The following HLA-E variants were observed in gnomAD, a reference collection of about 807,000 sequenced individuals.
HLA-E encodes HLA class I histocompatibility antigen, alpha chain E.
A neutral mutation model predicts 43.4 loss-of-function variants in HLA-E; 25 were observed. The observed-to-expected ratio is 0.58, with a 90% CI of 0.42 to 0.80. The LOEUF is 0.80. HLA-E is among the 30% of genes least tolerant of loss of function. The probability of loss-of-function intolerance (pLI) is 0.00; values close to 1 mark genes in which losing one functional copy is unlikely to be tolerated. For synonymous variants in HLA-E, 161 were observed against 197.6 expected, an observed-to-expected ratio of 0.81 and a Z score of 1.55; for missense variants, 343 against 470.0, an observed-to-expected ratio of 0.73 and a Z score of 2.50.
chr6:30,491,297 A>G lies in HLA-E; in HGVS notation c.771A>G (p.Ala257=), dbSNP rs1404034167. The G allele has an allele frequency of 6.2e-7, 1 of 1,614,092 alleles. No homozygotes were observed. The highest frequency in any genetic ancestry group is 1.3e-5 in the African/African-American group (1 of 74,934). ...QDTELVETRP[A]GDGTFQKWAA... ...CGGAGCTCGTGGAGACCAGGCCTGC[A>G]GGGGATGGAACCTTCCAGAAGTGGG... The change falls in exon 4 of 8, where the codon GCA becomes GCG. Residue 257 remains alanine, a synonymous_variant. Transcript: ENST00000376630. This position sits in a 1 kb window ranked among gnomAD's most constrained non-coding sequence, Gnocchi z 5.4.
chr6:30,490,286 C>T lies in HLA-E; in HGVS notation c.381C>T (p.Asp127=), dbSNP rs767391049. ...TGCATGGCTGCGAGCTGGGGCCCGA[C>T]GGGCGCTTCCTCCGCGGGTATGAAC... ...QWMHGCELGP[D]GRFLRGYEQF... Residue 127 remains aspartate, a synonymous_variant, in exon 3 of 8, where the codon GAC becomes GAT. Transcript: ENST00000376630. The surrounding 1 kb of genome is among the most constrained non-coding windows in gnomAD (Gnocchi z 6.6). The T allele has an allele frequency of 6.2e-7, 1 of 1,613,032 alleles. No individual in the cohort carries two copies. Among genetic ancestry groups the T allele is most frequent in the Non-Finnish European group, 8.5e-7 (1 of 1,179,994 alleles).
In HLA-E at chr6:30,492,632, A is replaced by G; in HGVS notation, c.*2+49A>G. On this transcript the variant is annotated intron_variant, in intron 7 of 7. Transcript: ENST00000376630. This position sits in a 1 kb window ranked among gnomAD's most constrained non-coding sequence, Gnocchi z 4.5. ...GGGTGGAGGGTGGGGCAGAGGGGAC[A>G]GGACTGGGTTGTGGGGATTTTTTGA... 6.4e-7 allele frequency: 1 copy of G among 1,568,216 alleles called. No individual in the cohort carries two copies. The highest frequency in any genetic ancestry group is 1.1e-5 in the South Asian group (1 of 88,358).
chr6:30,490,333 A>G lies in HLA-E; in HGVS notation c.428A>G (p.Asp143Gly). 2 of 1,613,030 alleles carry G rather than the reference A, an allele frequency of 1.2e-6. No homozygotes were observed. The highest frequency in any genetic ancestry group is 1.7e-6 in the Non-Finnish European group (2 of 1,180,022). ...GYEQFAYDGK[D>G]YLTLNEDLRS... ...GAACAGTTCGCCTACGACGGCAAGG[A>G]TTATCTCACCCTGAATGAGGACCTG... Residue 143 changes from aspartate to glycine, a missense_variant, in exon 3 of 8, where the codon GAT becomes GGT. Physicochemically the swap from Asp to Gly is moderately conservative, Grantham distance 94. Transcript: ENST00000376630. The surrounding 1 kb of genome is among the most constrained non-coding windows in gnomAD (Gnocchi z 6.6).
chr6:30,492,587 A>G lies in HLA-E; in HGVS notation c.*2+4A>G, dbSNP rs776953302. 6.2e-7 allele frequency: 1 copy of G among 1,613,492 alleles called. No individual in the cohort carries two copies. Among genetic ancestry groups the G allele is most frequent in the East Asian group, 2.2e-5 (1 of 44,864 alleles). On this transcript the variant is annotated splice_donor_region_variant and intron_variant, in intron 7 of 7. Transcript: ENST00000376630. This position sits in a 1 kb window ranked among gnomAD's most constrained non-coding sequence, Gnocchi z 4.5. ...CTGAGTCTCACAGCTTGTAAAGGTG[A>G]GATTCTGGGGGTCTGAAGTGGGTGG... is the stretch of plus-strand genomic sequence containing the variant.
At position 30,490,831 on chromosome 6, in the gene HLA-E, G is replaced by T. The variant is rs367678163; in HGVS notation, c.611-306G>T. On this transcript the variant is annotated intron_variant, in intron 3 of 7. Transcript: ENST00000376630. This position sits in a 1 kb window ranked among gnomAD's most constrained non-coding sequence, Gnocchi z 6.6. ...TCACGGGGGAGTTTCTCTCGTGCCT[G>T]ATTCTCAGCCCCACACCAAGAGTTT... Among the ~76,000 whole-genome samples the T allele has an allele frequency of 6.3e-4, 96 of 152,264 alleles. No individual in the cohort carries two copies. Among genetic ancestry groups the T allele is most frequent in the African/African-American group, 2.1e-3 (88 of 41,544 alleles).
In HLA-E at chr6:30,491,032, TC is replaced by T; in HGVS notation, c.611-103del. The T allele has an allele frequency of 1.4e-6, 2 of 1,464,312 alleles. No individual in the cohort carries two copies. The highest frequency in any genetic ancestry group is 1.9e-6 in the Non-Finnish European group (2 of 1,072,258). The allele number at this position is 1,464,312 out of a possible 1,614,324, so 90.7% of individuals were successfully genotyped here. ...CTGGTGTCAAGGTTTTGTCCTCTTC[TC>T]CTACTATAATTGTCCTCTTCCTTCT... On this transcript the variant is annotated intron_variant, in intron 3 of 7. Coordinates refer to ENST00000376630, the MANE Select transcript of HLA-E (RefSeq NM_005516.6). This position sits in a 1 kb window ranked among gnomAD's most constrained non-coding sequence, Gnocchi z 5.4.
rs1477315910 is a variant in HLA-E, at chr6:30,493,892, T to A, written c.*1146T>A. The A allele has an allele frequency of 2.6e-5, 4 of 151,934 alleles. No homozygotes were observed. The highest frequency in any genetic ancestry group is 4.8e-5 in the African/African-American group (2 of 41,292). The allele number at this position is 151,934 out of a possible 1,614,324, so 9.4% of individuals were successfully genotyped here. A position where few individuals can be genotyped will look rare whatever the true frequency, so the allele number is the denominator to read the frequency against. ...CCACCAGGACCCCAGAACTGTGGAG[T>A]CAGTGGCAGCATGCAGCGCCCCCTT... On this transcript the variant is annotated 3_prime_UTR_variant, in exon 8 of 8. Coordinates refer to ENST00000376630, the MANE Select transcript of HLA-E (RefSeq NM_005516.6). The surrounding 1 kb of genome is among the most constrained non-coding windows in gnomAD (Gnocchi z 5.5).
In HLA-E at chr6:30,491,047, C is replaced by A; in HGVS notation, c.611-90C>A. Reference sequence around the variant, plus strand: ...TGTCCTCTTCTCCTACTATAATTGTCCTCTTCCTTCTCAGGATGGTCACAT... The same window carrying A: ...TGTCCTCTTCTCCTACTATAATTGTACTCTTCCTTCTCAGGATGGTCACAT... On this transcript the variant is annotated intron_variant, in intron 3 of 7. Transcript: ENST00000376630. This position sits in a 1 kb window ranked among gnomAD's most constrained non-coding sequence, Gnocchi z 5.4. 6.6e-7 allele frequency: 1 copy of A among 1,521,650 alleles called. No homozygotes were observed. The highest frequency in any genetic ancestry group is 9.0e-7 in the Non-Finnish European group (1 of 1,116,640). 94.3% of individuals were successfully genotyped at this position (1,521,650 alleles called of 1,614,324 possible). A position where few individuals can be genotyped will look rare whatever the true frequency, so the allele number is the denominator to read the frequency against.
chr6:30,490,304 G>A lies in HLA-E; in HGVS notation c.399G>A (p.Gly133=). The A allele has an allele frequency of 1.9e-6, 3 of 1,613,108 alleles. No individual in the cohort carries two copies. Among genetic ancestry groups the A allele is most frequent in the Non-Finnish European group, 2.5e-6 (3 of 1,180,034 alleles). The change falls in exon 3 of 8, where the codon GGG becomes GGA. Residue 133 remains glycine (G), a synonymous_variant. Coordinates refer to ENST00000376630, the MANE Select transcript of HLA-E (RefSeq NM_005516.6). The surrounding 1 kb of genome is among the most constrained non-coding windows in gnomAD (Gnocchi z 6.6). The part of the protein sequence containing the change: ...ELGPDGRFLR[G]YEQFAYDGKD... ...GGCCCGACGGGCGCTTCCTCCGCGG[G>A]TATGAACAGTTCGCCTACGACGGCA...
At position 30,491,456 on chromosome 6, in the gene HLA-E, G is replaced by C. The variant is rs796228537; in HGVS notation, c.886+44G>C. On this transcript the variant is annotated intron_variant, in intron 4 of 7. Coordinates refer to ENST00000376630, the MANE Select transcript of HLA-E (RefSeq NM_005516.6). The surrounding 1 kb of genome is among the most constrained non-coding windows in gnomAD (Gnocchi z 5.4). The stretch of plus-strand genomic sequence containing the variant: ...GGTCATGTCTCTTCTCAGGGAAAGC[G>C]GGAGCCCTTCTGGAGCCCTTCCGCA... The C allele has an allele frequency of 6.2e-7, 1 of 1,611,076 alleles. No individual in the cohort carries two copies. The highest frequency in any genetic ancestry group is 8.5e-7 in the Non-Finnish European group (1 of 1,178,154).
rs1261407449 is a variant in HLA-E at position 30,489,696 on chromosome 6, G to C, written c.65-30G>C. On this transcript the variant is annotated intron_variant, in intron 1 of 7. Coordinates refer to ENST00000376630, the MANE Select transcript of HLA-E (RefSeq NM_005516.6). This position sits in a 1 kb window ranked among gnomAD's most constrained non-coding sequence, Gnocchi z 5.6. ...GGGGAGCCGCGCCGGGAGGAGGGTCGGGCCGATCTCAGCCCCTCCTCGCCC... is the reference window on the plus strand; with the variant it reads ...GGGGAGCCGCGCCGGGAGGAGGGTCCGGCCGATCTCAGCCCCTCCTCGCCC... 8 of 1,611,534 alleles carry C rather than the reference G, an allele frequency of 5.0e-6. No individual in the cohort carries two copies. Among genetic ancestry groups the C allele is most frequent in the Admixed American group, 3.3e-5 (2 of 59,956 alleles).
Position 30,490,814 on chromosome 6 carries a change from G to T in HLA-E, c.610+299G>T, listed in dbSNP as rs114425530. ...ACTCCCAGTATTAGGAATCACGGGG[G>T]AGTTTCTCTCGTGCCTGATTCTCAG... On this transcript the variant is annotated intron_variant, in intron 3 of 7. Coordinates refer to ENST00000376630, the MANE Select transcript of HLA-E (RefSeq NM_005516.6). This position sits in a 1 kb window ranked among gnomAD's most constrained non-coding sequence, Gnocchi z 6.6. Among the ~76,000 whole-genome samples the T allele has an allele frequency of 1.7e-3, 257 of 152,280 alleles. No individual in the cohort carries two copies. Among genetic ancestry groups the T allele is most frequent in the African/African-American group, 5.4e-3 (223 of 41,550 alleles).
chr6:30,492,736 T>A lies in HLA-E; in HGVS notation c.*3-13T>A. 1.3e-6 allele frequency: 1 copy of A among 776,996 alleles called. No individual in the cohort carries two copies. Among genetic ancestry groups the A allele is most frequent in the African/African-American group, 1.7e-5 (1 of 57,566 alleles). The allele number at this position is 776,996 out of a possible 1,614,324, so 48.1% of individuals were successfully genotyped here. ...ACTGACCTGAATTTGTTCATGACTA[T>A]TTTCTTCTGTAGCCTGAGACAGCTG... is the stretch of plus-strand genomic sequence containing the variant. On this transcript the variant is annotated splice_polypyrimidine_tract_variant and intron_variant, in intron 7 of 7. Transcript: ENST00000376630. The surrounding 1 kb of genome is among the most constrained non-coding windows in gnomAD (Gnocchi z 4.5).
chr6:30,490,276 T>C lies in HLA-E; in HGVS notation c.371T>C (p.Leu124Pro). The C allele has an allele frequency of 1.2e-6, 2 of 1,612,956 alleles. No individual in the cohort carries two copies. The highest frequency in any genetic ancestry group is 1.7e-6 in the Non-Finnish European group (2 of 1,179,954). ...HTLQWMHGCE[L>P]GPDGRFLRGY... is the part of the protein sequence containing the mutation. ...CTGCAGTGGATGCATGGCTGCGAGC[T>C]GGGGCCCGACGGGCGCTTCCTCCGC... The change falls in exon 3 of 8, where the codon CTG becomes CCG. Residue 124 changes from leucine to proline, a missense_variant. Leu to Pro is a moderately conservative substitution (Grantham distance 98). Coordinates refer to ENST00000376630, the MANE Select transcript of HLA-E (RefSeq NM_005516.6). The surrounding 1 kb of genome is among the most constrained non-coding windows in gnomAD (Gnocchi z 6.6).
rs761765470 is a variant in HLA-E, at chr6:30,489,541, G to A, written c.10G>A (p.Gly4Arg). 13 of 1,524,406 alleles carry A rather than the reference G, an allele frequency of 8.5e-6. No homozygotes were observed. The highest frequency in any genetic ancestry group is 1.4e-5 in the African/African-American group (1 of 71,722). The allele number at this position is 1,524,406 out of a possible 1,614,324, so 94.4% of individuals were successfully genotyped here. A position where few individuals can be genotyped will look rare whatever the true frequency, so the allele number is the denominator to read the frequency against. Residue 4 changes from glycine to arginine, a missense_variant, in exon 1 of 8, where the codon GGA (glycine) becomes AGA (arginine). Coordinates refer to ENST00000376630, the MANE Select transcript of HLA-E (RefSeq NM_005516.6). The surrounding 1 kb of genome is among the most constrained non-coding windows in gnomAD (Gnocchi z 5.6). ...CTCAGAGGCTGGGATCATGGTAGAT[G>A]GAACCCTCCTTTTACTCCTCTCGGA... Reference protein sequence around the residue: MVDGTLLLLLSEAL... With the variant: MVDRTLLLLLSEAL...
chr6:30,489,902 T>A lies in HLA-E; in HGVS notation c.241T>A (p.Trp81Arg). 1 of 1,612,962 alleles carries A rather than the reference T, an allele frequency of 6.2e-7. No individual in the cohort carries two copies. Among genetic ancestry groups the A allele is most frequent in the Non-Finnish European group, 8.5e-7 (1 of 1,179,990 alleles). ...GATGGAGCAGGAGGGGTCAGAGTAT[T>A]GGGACCGGGAGACACGGAGCGCCAG... ...PWMEQEGSEY[W>R]DRETRSARDT... Residue 81 changes from tryptophan (W) to arginine (R), a missense_variant, in exon 2 of 8, where the codon TGG becomes AGG. Physicochemically the swap from Trp to Arg is moderately radical, Grantham distance 101. Coordinates refer to ENST00000376630, the MANE Select transcript of HLA-E (RefSeq NM_005516.6). This position sits in a 1 kb window ranked among gnomAD's most constrained non-coding sequence, Gnocchi z 5.6.
rs767013957 is a variant in HLA-E at position 30,491,448 on chromosome 6, G to A, written c.886+36G>A. 1 of 1,612,666 alleles carries A rather than the reference G, an allele frequency of 6.2e-7. No homozygotes were observed. The highest frequency in any genetic ancestry group is 8.5e-7 in the Non-Finnish European group (1 of 1,179,050). On this transcript the variant is annotated intron_variant, in intron 4 of 7. Transcript: ENST00000376630. The surrounding 1 kb of genome is among the most constrained non-coding windows in gnomAD (Gnocchi z 5.4). ...GGATGGGAGGTCATGTCTCTTCTCA[G>A]GGAAAGCGGGAGCCCTTCTGGAGCC... is the stretch of plus-strand genomic sequence containing the variant.
chr6:30,489,689 G>A lies in HLA-E; in HGVS notation c.65-37G>A, dbSNP rs375999164. On this transcript the variant is annotated intron_variant, in intron 1 of 7. Coordinates refer to ENST00000376630, the MANE Select transcript of HLA-E (RefSeq NM_005516.6). This position sits in a 1 kb window ranked among gnomAD's most constrained non-coding sequence, Gnocchi z 5.6. ...AGGACTCGGGGAGCCGCGCCGGGAGGAGGGTCGGGCCGATCTCAGCCCCTC... is the reference window on the plus strand; with the variant it reads ...AGGACTCGGGGAGCCGCGCCGGGAGAAGGGTCGGGCCGATCTCAGCCCCTC... 9 of 1,611,152 alleles carry A rather than the reference G, an allele frequency of 5.6e-6. No homozygotes were observed. The highest frequency in any genetic ancestry group is 7.6e-6 in the Non-Finnish European group (9 of 1,179,144).
chr6:30,490,433 C>T lies in HLA-E; in HGVS notation c.528C>T (p.His176=). 2 of 1,612,964 alleles carry T rather than the reference C, an allele frequency of 1.2e-6. No individual in the cohort carries two copies. Among genetic ancestry groups the T allele is most frequent in the Non-Finnish European group, 1.7e-6 (2 of 1,179,922 alleles). The change falls in exon 3 of 8, where the codon CAC becomes CAT. Residue 176 remains histidine, a synonymous_variant. Transcript: ENST00000376630. The surrounding 1 kb of genome is among the most constrained non-coding windows in gnomAD (Gnocchi z 6.6). The stretch of plus-strand genomic sequence containing the variant: ...CAAATGATGCCTCTGAGGCGGAGCA[C>T]CAGAGAGCCTACCTGGAAGACACAT... The part of the protein sequence containing the change: ...QKSNDASEAE[H]QRAYLEDTCV...
Sources: allele counts gnomAD v4.1 joint callset (sites outside exome capture counted in the v4.1 genomes callset), GRCh38; gene constraint gnomAD v4.1.1; non-coding constraint Gnocchi (gnomAD v3.1); transcripts MANE v1.5; gene names NCBI Gene and HGNC (gene_info 2026-07-23, HGNC 2026-07-21).